The following FSTL5 variants were observed in gnomAD, a reference collection of about 807,000 sequenced individuals.
FSTL5 encodes follistatin-related protein 5.
FSTL5 carries 62 observed loss-of-function variants against 89.1 expected under a neutral mutation model. That is an observed-to-expected ratio of 0.70 (90% confidence interval 0.57 to 0.86). FSTL5 has a LOEUF of 0.86. Among genes scored for constraint, FSTL5 ranks in the 40% least tolerant of loss-of-function variants. FSTL5 has a pLI of 0.00. For synonymous variants in FSTL5, 383 were observed against 346.2 expected (o/e 1.11, Z -1.18); for missense variants, 1,057 against 1,001.6 (o/e 1.06, Z -0.75).
intron 15 of FSTL5, among the ~76,000 whole-genome samples, chr4:161,450,889 G>T (rs1416216897): frequency 1.3e-5 from 2 of 151,612 alleles, no homozygotes; most frequent in African/African-American, 4.8e-5. Context: ...GACTACAGGC[G>T]CCCACCACCA....
At chr4:161,451,617 T>A (rs1560901496) in intron 15 of FSTL5, among the ~76,000 whole-genome samples, 1 of 152,214 alleles carries the variant, frequency 6.6e-6, no homozygotes, top group Non-Finnish European at 1.5e-5. Flanking sequence ...CCAGAGTCAA[T>A]GGTGAATGAT....
At chr4:161,888,999 T>C (rs2110744029) in intron 4 of FSTL5, among the ~76,000 whole-genome samples, 1 of 152,294 alleles carries the variant, frequency 6.6e-6, no homozygotes, top group South Asian at 2.1e-4. Context: ...GGATTTCTGA[T>C]ATTAGGTGTG....
chr4:161,430,476 C>T (rs1191311915), intron 15 of FSTL5, among the ~76,000 whole-genome samples: 2 of 152,214 alleles, frequency 1.3e-5, no homozygotes, highest in African/African-American at 2.4e-5. Context: ...TGTGGTGGCT[C>T]ATGCCTGTAA....
At position 161,706,198 on chromosome 4, in the gene FSTL5, C is replaced by A. The variant is rs1230425591; in HGVS notation, c.728-49704G>T. On this transcript the variant is annotated intron_variant, in intron 6 of 15. Coordinates refer to ENST00000306100, the MANE Select transcript of FSTL5 (RefSeq NM_020116.5). ...GACTTAACTGCATTATCTATCAAAT[C>A]ATTTGGCAAATATGTTAGTGTTAGA... is the stretch of plus-strand genomic sequence containing the variant. 2.6e-5 allele frequency among the ~76,000 whole-genome samples: 4 copies of A among 150,992 alleles called. No homozygotes were observed. The East Asian group carries it at 7.9e-4, about 30-fold the overall frequency.
At chr4:161,979,149 G>A (rs190122940) in intron 3 of FSTL5, among the ~76,000 whole-genome samples, 1 of 152,220 alleles carries the variant, frequency 6.6e-6, no homozygotes, top group East Asian at 1.9e-4. Context: ...TGGTCTATGG[G>A]ATGTCAGAGG....
In FSTL5 at chr4:161,948,987, C is replaced by T. The variant is rs140221913; in HGVS notation, c.161-28335G>A. Reference sequence around the variant, plus strand: ...AAAACAGCACACATTTACTCTCCTACAGCTCTGGAGGTTAGAAGTCTGAAA... The same window carrying T: ...AAAACAGCACACATTTACTCTCCTATAGCTCTGGAGGTTAGAAGTCTGAAA... On this transcript the variant is annotated intron_variant, in intron 3 of 15. Transcript: ENST00000306100. 7.2e-3 allele frequency among the ~76,000 whole-genome samples: 1,101 copies of T among 152,244 alleles called. 17 individuals are homozygous for T. Among genetic ancestry groups the T allele is most frequent in the African/African-American group, 0.025 (1,054 of 41,542 alleles).
intron 3 of FSTL5, among the ~76,000 whole-genome samples, chr4:161,991,598 A>C (rs1284818009): frequency 6.6e-6 from 1 of 152,198 alleles, no homozygotes; most frequent in Non-Finnish European, 1.5e-5. Flanking sequence ...TTTTCAATCA[A>C]AGACAGATCA....
chr4:161,474,753 G>A (rs1734070985), intron 13 of FSTL5, among the ~76,000 whole-genome samples: 1 of 151,992 alleles, frequency 6.6e-6, no homozygotes, highest in Non-Finnish European at 1.5e-5. Context: ...CACCATGTTG[G>A]CCAGGATGGT....
At chr4:161,873,704 T>G (rs1579159663) in intron 4 of FSTL5, among the ~76,000 whole-genome samples, 1 of 151,218 alleles carries the variant, frequency 6.6e-6, no homozygotes, top group East Asian at 1.9e-4. Flanking sequence ...ATGCCTGCAT[T>G]ATCAATTATT....
chr4:161,700,624 G>T (rs139832172), intron 6 of FSTL5, among the ~76,000 whole-genome samples: 1 of 151,970 alleles, frequency 6.6e-6, no homozygotes, highest in Non-Finnish European at 1.5e-5. Flanking sequence ...CAATCCACCC[G>T]CCTGGGCCTC....
intron 4 of FSTL5, among the ~76,000 whole-genome samples, chr4:161,794,540 A>G (rs970332360): frequency 6.6e-6 from 1 of 152,178 alleles, no homozygotes; most frequent in African/African-American, 2.4e-5. Flanking sequence ...CCTCACAGGT[A>G]TCATTCACTT....
At chr4:161,693,418 T>A (rs895311827) in intron 6 of FSTL5, among the ~76,000 whole-genome samples, 8 of 152,074 alleles carry the variant, frequency 5.3e-5, no homozygotes, top group Admixed American at 1.3e-4. Context: ...TCTTTTAAAG[T>A]TTGGGAGAAT....
intron 3 of FSTL5, among the ~76,000 whole-genome samples, chr4:161,946,767 G>T (rs1367734454): frequency 6.6e-6 from 1 of 152,136 alleles, no homozygotes; most frequent in East Asian, 1.9e-4. Context: ...ACACTTCGAA[G>T]TGGAATTTCT....
At chr4:161,964,500 A>G (rs1439822387) in intron 3 of FSTL5, among the ~76,000 whole-genome samples, 1 of 152,068 alleles carries the variant, frequency 6.6e-6, no homozygotes, top group East Asian at 1.9e-4. Flanking sequence ...AACAGGGATT[A>G]GTTGCTTATT....
At chr4:161,962,051 CTAT>C (rs1346142858) in intron 3 of FSTL5, among the ~76,000 whole-genome samples, 3 of 151,694 alleles carry the variant, frequency 2.0e-5, no homozygotes, top group African/African-American at 4.8e-5. Flanking sequence ...TGTTGTATAA[CTAT>C]TATAATTTGT....
intron 2 of FSTL5, among the ~76,000 whole-genome samples, chr4:162,097,242 T>C (rs965818599): frequency 2.6e-5 from 4 of 151,522 alleles, no homozygotes; most frequent in Non-Finnish European, 5.9e-5. Context: ...TCTGATAAAT[T>C]GACTGCAATA....
chr4:161,835,384 T>C (rs962216788), intron 4 of FSTL5, among the ~76,000 whole-genome samples: 68 of 152,232 alleles, frequency 4.5e-4, no homozygotes, highest in African/African-American at 1.6e-3. Context: ...ATTCAGGACA[T>C]AGGCATAGGC....
intron 15 of FSTL5, among the ~76,000 whole-genome samples, chr4:161,392,464 A>T (rs1384739687): frequency 3.3e-5 from 5 of 152,104 alleles, no homozygotes; most frequent in Non-Finnish European, 7.4e-5. Context: ...GATTCCAAGG[A>T]TCCTCCCACC....
intron 2 of FSTL5, chr4:162,035,154 CT>C (rs1324650651): frequency 2.0e-5 from 3 of 152,194 alleles, no homozygotes; most frequent in African/African-American, 7.2e-5. Context: ...GTCAGTCAGT[CT>C]TTTATTCATT....
Sources: allele counts gnomAD v4.1 joint callset (sites outside exome capture counted in the v4.1 genomes callset), GRCh38; gene constraint gnomAD v4.1.1; transcripts MANE v1.5; gene names NCBI Gene and HGNC (gene_info 2026-07-23, HGNC 2026-07-21).